The following CTNNA2 variants were observed in gnomAD, a reference collection of about 807,000 sequenced individuals.
The protein encoded by CTNNA2 is catenin alpha-2.
Under a neutral mutation model 101.0 loss-of-function variants are expected in CTNNA2, and 42 were observed. The ratio of observed to expected loss-of-function variants is 0.42; its 90% confidence interval spans 0.32 to 0.54. The LOEUF is 0.54. Ranked by LOEUF, CTNNA2 falls within the 20% of genes least tolerant of loss-of-function variation. The pLI is 0.14. For synonymous variants in CTNNA2, 450 were observed against 456.4 expected, an observed-to-expected ratio of 0.99 and a Z score of 0.18; for missense variants, 871 against 1,223.1, an observed-to-expected ratio of 0.71 and a Z score of 4.29.
At chr2:79,339,814 T>G (rs543400966) in intron 3 of CTNNA2, 1 of 152,370 alleles carries the variant, frequency 6.6e-6, no homozygotes, top group South Asian at 2.1e-4. Flanking sequence ...ACTCAAGCTC[T>G]TATCTGAGGA....
chr2:79,242,051 C>A (rs756641518), intron 2 of CTNNA2, among the ~76,000 whole-genome samples: 1 of 151,916 alleles, frequency 6.6e-6, no homozygotes, highest in Admixed American at 6.6e-5. Context: ...GATTACAGGC[C>A]CCCGCCACCA....
intron 3 of CTNNA2, among the ~76,000 whole-genome samples, chr2:79,770,340 G>T (rs1225923126): frequency 6.6e-6 from 1 of 152,162 alleles, no homozygotes; most frequent in Admixed American, 6.5e-5. Context: ...CTAAATTGCA[G>T]AAAATTAACT....
rs1242440719 is a variant in CTNNA2 at position 79,763,613 on chromosome 2, A to G, written c.298+19031A>G. On this transcript the variant is annotated intron_variant, in intron 3 of 18. Coordinates refer to ENST00000402739, the MANE Select transcript of CTNNA2 (RefSeq NM_001282597.3). ...TTTTCAACATCTCTGCAATAGCAGC[A>G]TCATTTTTCCATCTCTATGGTAGTC... is the stretch of plus-strand genomic sequence containing the variant. Among the ~76,000 whole-genome samples the G allele has an allele frequency of 2.6e-5, 4 of 152,240 alleles. No individual in the cohort carries two copies. In the East Asian group the frequency reaches 7.7e-4, roughly 29 times the overall value.
At chr2:80,070,291 G>A (rs1698244910) in intron 7 of CTNNA2, among the ~76,000 whole-genome samples, 1 of 152,186 alleles carries the variant, frequency 6.6e-6, no homozygotes. Flanking sequence ...TACCTGGATG[G>A]TTTCCAAAAA....
chr2:80,527,540 T>C (rs539761301), intron 9 of CTNNA2, among the ~76,000 whole-genome samples: 2 of 152,252 alleles, frequency 1.3e-5, no homozygotes, highest in African/African-American at 4.8e-5. Context: ...AAGTGGCAGC[T>C]GGGGAGTCTT....
At chr2:80,317,550 A>T (rs1297436704) in intron 7 of CTNNA2, among the ~76,000 whole-genome samples, 1 of 152,074 alleles carries the variant, frequency 6.6e-6, no homozygotes. Context: ...GCCAAACTTG[A>T]CCCTTTTAAA....
chr2:79,613,910 T>A (rs1352230815), intron 1 of CTNNA2, among the ~76,000 whole-genome samples: 1 of 152,178 alleles, frequency 6.6e-6, no homozygotes. Context: ...TTTGACTGTT[T>A]TATAGTTGAG....
At chr2:79,357,531 T>C (rs1408842351) in intron 3 of CTNNA2, among the ~76,000 whole-genome samples, 2 of 152,018 alleles carry the variant, frequency 1.3e-5, no homozygotes, top group Non-Finnish European at 2.9e-5. Flanking sequence ...GAGTTCCAGA[T>C]AGAAAAGAGA....
intron 4 of CTNNA2, among the ~76,000 whole-genome samples, chr2:79,464,228 C>T (rs536210462): frequency 7.2e-5 from 11 of 152,164 alleles, no homozygotes; most frequent in Non-Finnish European, 8.8e-5. Flanking sequence ...TGAGAACATG[C>T]GGTGTTTGGT....
chr2:79,880,445 C>T (rs1305554351), intron 6 of CTNNA2, among the ~76,000 whole-genome samples: 2 of 152,094 alleles, frequency 1.3e-5, no homozygotes, highest in South Asian at 2.1e-4. Context: ...TCCATCTGGT[C>T]CTGGGCTTTT....
intron 1 of CTNNA2, among the ~76,000 whole-genome samples, chr2:79,640,542 C>T (rs1430642): frequency 0.49 from 73,935 of 152,010 alleles, 18,305 homozygotes; most frequent in East Asian, 0.71. Context: ...GTATAAATTA[C>T]GTTCTCTAAA....
intron 9 of CTNNA2, among the ~76,000 whole-genome samples, chr2:80,479,582 G>A (rs556203486): frequency 1.2e-4 from 18 of 152,194 alleles, no homozygotes; most frequent in African/African-American, 4.1e-4. Flanking sequence ...GTTACACTTA[G>A]CTCTGCTTAT....
intron 3 of CTNNA2, among the ~76,000 whole-genome samples, chr2:79,843,759 C>A (rs1490168992): frequency 6.6e-6 from 1 of 152,208 alleles, no homozygotes; most frequent in Admixed American, 6.5e-5. Context: ...TTGTTCAAAA[C>A]CAGTTCTCGT....
intron 12 of CTNNA2, among the ~76,000 whole-genome samples, chr2:80,568,944 T>C (rs1694311901): frequency 1.3e-5 from 2 of 152,166 alleles, no homozygotes; most frequent in African/African-American, 4.8e-5. Flanking sequence ...AAAGAGGTTT[T>C]ATAGTTCTCT....
intron 7 of CTNNA2, among the ~76,000 whole-genome samples, chr2:80,153,576 C>T (rs997461466): frequency 1.3e-5 from 2 of 152,130 alleles, no homozygotes; most frequent in African/African-American, 4.8e-5. Flanking sequence ...CCTCTTCTTC[C>T]TCACTGCTCC....
At chr2:80,170,583 G>C (rs1030875691) in intron 7 of CTNNA2, among the ~76,000 whole-genome samples, 2 of 152,146 alleles carry the variant, frequency 1.3e-5, no homozygotes, top group South Asian at 4.2e-4. Flanking sequence ...AAACAGGACT[G>C]TATGCTCCTT....
chr2:80,021,938 G>C (rs1014662522), intron 7 of CTNNA2, among the ~76,000 whole-genome samples: 1 of 152,032 alleles, frequency 6.6e-6, no homozygotes, highest in Non-Finnish European at 1.5e-5. Context: ...AGAATTTGAG[G>C]CCATTATACT....
At chr2:80,260,311 G>A (rs183882533) in intron 7 of CTNNA2, among the ~76,000 whole-genome samples, 29 of 152,212 alleles carry the variant, frequency 1.9e-4, no homozygotes, top group Admixed American at 3.9e-4. Context: ...GATGGCAGAG[G>A]GTCAGCTAAA....
chr2:79,473,168 C>G (rs1671017369), intron 4 of CTNNA2, among the ~76,000 whole-genome samples: 1 of 152,152 alleles, frequency 6.6e-6, no homozygotes, highest in Non-Finnish European at 1.5e-5. Context: ...TGAGTCCTCA[C>G]CAGAATCACC....
Sources: gnomAD v4.1 joint callset for allele counts (sites outside exome capture counted in the v4.1 genomes callset) on GRCh38, gnomAD v4.1.1 for gene constraint, MANE v1.5 for transcripts, NCBI Gene and HGNC (gene_info 2026-07-23, HGNC 2026-07-21) for gene names.